The following AKR1C4 variants were observed in gnomAD, a reference collection of about 807,000 sequenced individuals.
AKR1C4 encodes 3-alpha-HSD1.
Under a neutral mutation model 41.0 loss-of-function variants are expected in AKR1C4, and 44 were observed. That is an observed-to-expected ratio of 1.07 (90% CI 0.84 to 1.38). AKR1C4 has a LOEUF of 1.38. Among genes scored for constraint, AKR1C4 ranks in the 40% most tolerant of loss-of-function variants. The probability of loss-of-function intolerance (pLI) is 0.00; values close to 1 mark genes in which losing one functional copy is unlikely to be tolerated. For synonymous variants in AKR1C4, 165 were observed against 137.7 expected (o/e 1.20, Z -1.39); for missense variants, 438 against 387.9 (o/e 1.13, Z -1.09).
chr10:5,200,462 T>G, intron 2 of AKR1C4, 114 bp downstream of exon 2: 1 of 1,473,240 alleles, frequency 6.8e-7, no homozygotes. Context: ...TAGTTCCAAT[T>G]TATTCACACA....
At chr10:5,215,549 G>A (rs531464291) in intron 7 of AKR1C4, among the ~76,000 whole-genome samples, 2 of 152,226 alleles carry the variant, frequency 1.3e-5, no homozygotes, top group East Asian at 3.9e-4. Flanking sequence ...CCTGATCATA[G>A]GCTGTTAGAA....
At chr10:5,214,963 G>A (rs1588343789) in intron 7 of AKR1C4, among the ~76,000 whole-genome samples, 1 of 152,130 alleles carries the variant, frequency 6.6e-6, no homozygotes, top group South Asian at 2.1e-4. Context: ...GACAATTACT[G>A]TCTTGAATTT....
At chr10:5,209,395 G>A (rs782365602) in intron 5 of AKR1C4, among the ~76,000 whole-genome samples, 14 of 151,554 alleles carry the variant, frequency 9.2e-5, no homozygotes, top group East Asian at 1.9e-4. Flanking sequence ...TATTCTTTAC[G>A]TTTTATTATA....
chr10:5,218,507 G>A (rs980805568), intron 8 of AKR1C4, among the ~76,000 whole-genome samples: 1 of 149,956 alleles, frequency 6.7e-6, no homozygotes, highest in Non-Finnish European at 1.5e-5. Context: ...ATAAATTCCA[G>A]GCAAGGGAAT....
At chr10:5,203,012 G>A (rs1588337355) in intron 2 of AKR1C4, among the ~76,000 whole-genome samples, 1 of 149,722 alleles carries the variant, frequency 6.7e-6, no homozygotes, top group African/African-American at 2.5e-5. Context: ...GGTATTTGGT[G>A]ATACTGGCTT....
At chr10:5,204,315 A>C in intron 2 of AKR1C4, 62 bp from the exon 3 acceptor site, 2 of 1,279,806 alleles carry the variant, frequency 1.6e-6, no homozygotes, top group Non-Finnish European at 2.2e-6. Context: ...TATTAGGTGA[A>C]GCAAACTAAT....
chr10:5,199,077 A>C (rs1554796626), intron 1 of AKR1C4, among the ~76,000 whole-genome samples: 1 of 152,172 alleles, frequency 6.6e-6, no homozygotes, highest in Non-Finnish European at 1.5e-5. Context: ...CAAATGACTG[A>C]ATCTGAGGTT....
intron 3 of AKR1C4, among the ~76,000 whole-genome samples, chr10:5,205,306 T>C (rs1329867344): frequency 6.6e-6 from 1 of 152,218 alleles, no homozygotes; most frequent in Non-Finnish European, 1.5e-5. Context: ...TTCAAATTAA[T>C]ACTGAAAAGA....
At chr10:5,206,160 A>G (rs931376598) in intron 4 of AKR1C4, 115 bp from the exon 5 acceptor site, 2 of 1,522,632 alleles carry the variant, frequency 1.3e-6, no homozygotes, top group Non-Finnish European at 1.8e-6. Flanking sequence ...CTTGAGAATC[A>G]CTGCTATTTT....
At chr10:5,212,465 T>C (rs915135) in intron 5 of AKR1C4, 151 bp from the exon 6 acceptor site, 751,411 of 751,974 alleles carry the variant, frequency 1, 375,426 homozygotes, top group Middle Eastern at 1. Context: ...TTTAGACCAG[T>C]AATATAAACT....
intron 7 of AKR1C4, 28 bp from the exon 8 acceptor site, chr10:5,216,683 G>A: frequency 6.4e-7 from 1 of 1,554,340 alleles, no homozygotes; most frequent in South Asian, 1.1e-5. Flanking sequence ...TGCAATCTAA[G>A]AATAAACATT....
chr10:5,197,735 T>C (rs1467006149), intron 1 of AKR1C4, among the ~76,000 whole-genome samples: 3 of 152,222 alleles, frequency 2.0e-5, no homozygotes, highest in Non-Finnish European at 4.4e-5. Context: ...AGTAGTCACA[T>C]AAAATTTTTG....
At chr10:5,213,703 G>A (rs1832611197) in intron 7 of AKR1C4, among the ~76,000 whole-genome samples, 1 of 152,114 alleles carries the variant, frequency 6.6e-6, no homozygotes, top group African/African-American at 2.4e-5. Flanking sequence ...ACAATTCCAT[G>A]GTTTGAAGTT....
chr10:5,218,059 GAAAGGA>G (rs1274761965), intron 8 of AKR1C4, among the ~76,000 whole-genome samples: 7 of 152,234 alleles, frequency 4.6e-5, no homozygotes, highest in African/African-American at 1.4e-4. Context: ...TCATGAAAAG[GAAAGGA>G]AGAGTGGCAA....
intron 3 of AKR1C4, 24 bp downstream of exon 3, chr10:5,204,517 TCTC>T (rs782479418): frequency 1.4e-6 from 2 of 1,481,378 alleles, no homozygotes; most frequent in South Asian, 2.3e-5. Flanking sequence ...GAGATCAACT[TCTC>T]TTCTGTTCTC....
At chr10:5,212,570 A>T in intron 5 of AKR1C4, 46 bp from the exon 6 acceptor site, 1 of 1,496,730 alleles carries the variant, frequency 6.7e-7, no homozygotes, top group Non-Finnish European at 9.2e-7. Context: ...ATATTAACAT[A>T]TCTGTTTTGA....
chr10:5,205,387 T>C (rs1385055057), intron 3 of AKR1C4, among the ~76,000 whole-genome samples: 1 of 152,232 alleles, frequency 6.6e-6, no homozygotes, highest in Non-Finnish European at 1.5e-5. Flanking sequence ...GATAAGGAAC[T>C]CTTATTGTAT....
intron 8 of AKR1C4, among the ~76,000 whole-genome samples, chr10:5,217,563 C>A (rs557102123): frequency 1.3e-3 from 202 of 152,304 alleles, no homozygotes; most frequent in Non-Finnish European, 2.1e-3. Context: ...AGTTTCAGAC[C>A]AGCCTGGCCA....
intron 7 of AKR1C4, among the ~76,000 whole-genome samples, 174 bp from the exon 8 acceptor site, chr10:5,216,537 A>G (rs1288109438): frequency 1.3e-5 from 2 of 152,132 alleles, no homozygotes; most frequent in Non-Finnish European, 1.5e-5. Context: ...ATAGATTTAT[A>G]TTTTATCTGA....
Sources: gnomAD v4.1 joint callset for allele counts (sites outside exome capture counted in the v4.1 genomes callset) on GRCh38, gnomAD v4.1.1 for gene constraint, MANE v1.5 for transcripts, NCBI Gene and HGNC (gene_info 2026-07-23, HGNC 2026-07-21) for gene names.